MAP3K13: variants seen among roughly 807,000 people sequenced by gnomAD.
MAP3K13 encodes mitogen-activated protein kinase kinase kinase 13.
Under a neutral mutation model 104.0 loss-of-function variants are expected in MAP3K13, and 52 were observed. That is an observed-to-expected ratio of 0.50 (90% CI 0.40 to 0.63). The LOEUF is 0.63. MAP3K13 is among the 20% of genes least tolerant of loss of function. MAP3K13 has a pLI of 0.00. For missense variants in MAP3K13, 914 were observed against 1,218.5 expected (o/e 0.75, Z 3.72); for synonymous variants, 394 against 442.2 (o/e 0.89, Z 1.37).
rs1577621593 is a variant in MAP3K13 at position 185,473,717 on chromosome 3, G to A, written c.2386G>A (p.Gly796Ser). The change falls in exon 11 of 14, where the codon GGC becomes AGC. Residue 796 changes from glycine to serine, a missense_variant. Around this residue, in one of 3 missense-constraint regions of MAP3K13, gnomAD observed 583 missense variants for 737.4 expected, o/e 0.79. Transcript: ENST00000265026. This position sits in a 1 kb window ranked among gnomAD's most constrained non-coding sequence, Gnocchi z 4.9. Reference protein sequence around the residue: ...SESSLGTSHLGTPPALPRKTR... With the variant: ...SESSLGTSHLSTPPALPRKTR... ...GTCATCCCTCGGCACCTCTCATCTC[G>A]GCACCCCTCCAGCGCTACCTCGAAA... 2 of 1,613,956 alleles carry A rather than the reference G, an allele frequency of 1.2e-6. No individual in the cohort carries two copies. The highest frequency in any genetic ancestry group is 2.2e-5 in the South Asian group (2 of 91,074).
chr3:185,440,458 C>A (rs1038648889), intron 3 of MAP3K13, among the ~76,000 whole-genome samples: 8 of 152,138 alleles, frequency 5.3e-5, no homozygotes, highest in Admixed American at 5.2e-4. Flanking sequence ...TTTATTAGTT[C>A]TCTGTAATGA....
chr3:185,388,713 C>A (rs1439630296), intron 1 of MAP3K13, among the ~76,000 whole-genome samples: 2 of 151,972 alleles, frequency 1.3e-5, no homozygotes, highest in African/African-American at 4.8e-5. Flanking sequence ...CCACAAAAGA[C>A]CCTGAATAGC....
At chr3:185,438,371 C>G (rs943281176) in intron 3 of MAP3K13, among the ~76,000 whole-genome samples, 2 of 151,996 alleles carry the variant, frequency 1.3e-5, no homozygotes, top group African/African-American at 4.8e-5. Context: ...ACAATCAATC[C>G]TTGTGTAGTA....
Position 185,418,868 on chromosome 3 carries a change from AG to A in MAP3K13, c.-85-9628del. 1 of 1,350,340 alleles carries A rather than the reference AG, an allele frequency of 7.4e-7. No individual in the cohort carries two copies. Among genetic ancestry groups the A allele is most frequent in the Non-Finnish European group, 1.0e-6 (1 of 995,240 alleles). 83.6% of individuals were successfully genotyped at this position (1,350,340 alleles called of 1,614,324 possible). A position where few individuals can be genotyped will look rare whatever the true frequency, so the allele number is the denominator to read the frequency against. On this transcript the variant is annotated intron_variant, in intron 1 of 13. Transcript: ENST00000265026. The surrounding 1 kb of genome is among the most constrained non-coding windows in gnomAD (Gnocchi z 4.5). ...TGTCTTTTCATCTGTTTTGGGTTTCAGTTCTCTTAATCATGATCATTCTGCC... is the reference window on the plus strand; with the variant it reads ...TGTCTTTTCATCTGTTTTGGGTTTCATTCTCTTAATCATGATCATTCTGCC...
At chr3:185,375,997 G>A (rs576386296) in intron 1 of MAP3K13, among the ~76,000 whole-genome samples, 36 of 152,260 alleles carry the variant, frequency 2.4e-4, no homozygotes, top group Admixed American at 1.2e-3. Context: ...GGGGCAGAGC[G>A]GTAGCCTGAA....
chr3:185,303,252 T>G (rs2108681002), intron 2 of MAP3K13, among the ~76,000 whole-genome samples: 1 of 152,346 alleles, frequency 6.6e-6, no homozygotes, highest in Admixed American at 6.5e-5. Flanking sequence ...TGTTCAGGAT[T>G]TTTACATCAG....
intron 7 of MAP3K13, among the ~76,000 whole-genome samples, chr3:185,455,452 A>G (rs1335950134): frequency 8.6e-6 from 1 of 116,842 alleles, no homozygotes; most frequent in Non-Finnish European, 1.7e-5. Flanking sequence ...TATGAGATAT[A>G]TATCATATAT....
chr3:185,463,558 G>A lies in MAP3K13; in HGVS notation c.1287G>A (p.Trp429Ter). ...QETYFKSQAE[W>*]REEVKKHFEK... is the part of the protein sequence containing the mutation. ...AATTTGTCCTTACCCAGGCTGAATG[G>A]AGAGAAGAAGTGAAAAAACATTTTG... is the stretch of plus-strand genomic sequence containing the variant. The change falls in exon 8 of 14, where the codon TGG becomes TGA. Residue 429 changes from tryptophan (W) to a stop codon, truncating the protein, a stop_gained. Coordinates refer to ENST00000265026, the MANE Select transcript of MAP3K13 (RefSeq NM_004721.5). LOFTEE classifies it high-confidence loss of function. 6.3e-7 allele frequency: 1 copy of A among 1,592,742 alleles called. No homozygotes were observed. The highest frequency in any genetic ancestry group is 8.6e-7 in the Non-Finnish European group (1 of 1,161,316).
At chr3:185,467,291 A>G (rs1274392907) in intron 10 of MAP3K13, among the ~76,000 whole-genome samples, 2 of 152,212 alleles carry the variant, frequency 1.3e-5, no homozygotes, top group Non-Finnish European at 2.9e-5. Flanking sequence ...CTCATGGATA[A>G]AATGGTACAA....
In MAP3K13 at chr3:185,482,605, C is replaced by G. The variant is rs1000735126; in HGVS notation, c.*149C>G. The G allele has an allele frequency of 4.1e-5, 24 of 583,326 alleles. No homozygotes were observed. The highest frequency in any genetic ancestry group is 5.8e-5 in the Non-Finnish European group (19 of 328,732). 36.1% of individuals were successfully genotyped at this position (583,326 alleles called of 1,614,324 possible). A position where few individuals can be genotyped will look rare whatever the true frequency, so the allele number is the denominator to read the frequency against. ...ACCCCCTAGAAATGAGCTGCAATAA[C>G]AGGAACATGAGACTTCGCAAATCTC... On this transcript the variant is annotated 3_prime_UTR_variant, in exon 14 of 14. Transcript: ENST00000265026. The surrounding 1 kb of genome is among the most constrained non-coding windows in gnomAD (Gnocchi z 4.5).
At chr3:185,399,379 C>T (rs1028107071) in intron 1 of MAP3K13, among the ~76,000 whole-genome samples, 1 of 151,436 alleles carries the variant, frequency 6.6e-6, no homozygotes, top group Non-Finnish European at 1.5e-5. Context: ...CCGAGGCCCG[C>T]GGATCATGAG....
chr3:185,378,038 T>C (rs1724522937), intron 1 of MAP3K13, among the ~76,000 whole-genome samples: 1 of 152,174 alleles, frequency 6.6e-6, no homozygotes, highest in African/African-American at 2.4e-5. Context: ...CCCTGGCAGC[T>C]GCGGTTCAGG....
chr3:185,332,321 G>A (rs1204959200), intron 2 of MAP3K13, among the ~76,000 whole-genome samples: 1 of 152,048 alleles, frequency 6.6e-6, no homozygotes, highest in African/African-American at 2.4e-5. Context: ...TTAAATAATG[G>A]TTTCAGCATA....
chr3:185,480,582 G>A, intron 13 of MAP3K13, 53 bp downstream of exon 13: 1 of 1,565,596 alleles, frequency 6.4e-7, no homozygotes, highest in South Asian at 1.2e-5. Context: ...TGCTCTTTGG[G>A]GTTCAAGTCT....
chr3:185,310,208 A>G (rs948452613), intron 2 of MAP3K13, among the ~76,000 whole-genome samples: 3 of 152,218 alleles, frequency 2.0e-5, no homozygotes, highest in Non-Finnish European at 4.4e-5. Flanking sequence ...CAGGGAAACA[A>G]CATCTCAACC....
rs549674666 is a variant in MAP3K13 at position 185,455,959 on chromosome 3, TATG to T, written c.1278+4567_1278+4569del. On this transcript the variant is annotated intron_variant, in intron 7 of 13. Transcript: ENST00000265026. ...ATGAGATATATATATGATGTATATA[TATG>T]ATATGTATGAGATATATATATGATA... Among the ~76,000 whole-genome samples, 179 of 145,094 alleles carry T rather than the reference TATG, an allele frequency of 1.2e-3. 3 individuals are homozygous for T. Among genetic ancestry groups the T allele is most frequent in the African/African-American group, 4.1e-3 (162 of 39,290 alleles).
At chr3:185,365,279 T>C (rs1361507644) in intron 1 of MAP3K13, among the ~76,000 whole-genome samples, 1 of 152,170 alleles carries the variant, frequency 6.6e-6, no homozygotes, top group Non-Finnish European at 1.5e-5. Flanking sequence ...TATCAAACAA[T>C]AAAATCCTGT....
chr3:185,322,283 C>T (rs538624808), intron 2 of MAP3K13, among the ~76,000 whole-genome samples: 9 of 152,298 alleles, frequency 5.9e-5, no homozygotes, highest in East Asian at 1.9e-4. Context: ...ATCTGGGTTC[C>T]GTTTAGGCTT....
chr3:185,427,851 G>A (rs922234963), intron 1 of MAP3K13, among the ~76,000 whole-genome samples: 1 of 152,150 alleles, frequency 6.6e-6, no homozygotes, highest in South Asian at 2.1e-4. Context: ...GGCCGAGGGG[G>A]TTGGATCACC....
Sources: gnomAD v4.1 joint callset for allele counts (sites outside exome capture counted in the v4.1 genomes callset) on GRCh38, gnomAD v4.1.1 for gene constraint, gnomAD v4.1.1 regional missense constraint, Gnocchi (gnomAD v3.1) non-coding constraint, MANE v1.5 for transcripts, NCBI Gene and HGNC (gene_info 2026-07-23, HGNC 2026-07-21) for gene names.